AOPEP: variants seen among roughly 807,000 people sequenced by gnomAD.
AOPEP encodes aminopeptidase O.
A neutral mutation model predicts 98.1 loss-of-function variants in AOPEP; 77 were observed. The observed-to-expected ratio is 0.78, with a 90% CI of 0.65 to 0.95. AOPEP has a LOEUF of 0.95. Among genes scored for constraint, AOPEP ranks in the 40% least tolerant of loss-of-function variants. The pLI, the probability that AOPEP is intolerant of heterozygous loss-of-function variation, is 0.00. For synonymous variants in AOPEP, 346 were observed against 365.3 expected (o/e 0.95, Z 0.60); for missense variants, 1,024 against 1,024.7 (o/e 1.00, Z 0.01).
rs1009843960 is a variant in AOPEP, at chr9:94,931,620, A to C, written c.1661+3089A>C. 1.0e-4 allele frequency: 82 copies of C among 799,872 alleles called. No individual in the cohort carries two copies. The African/African-American group carries it at 1.3e-3, about 13-fold the overall frequency. The allele number at this position is 799,872 out of a possible 1,614,324, so 49.5% of individuals were successfully genotyped here. A position where few individuals can be genotyped will look rare whatever the true frequency, so the allele number is the denominator to read the frequency against. On this transcript the variant is annotated intron_variant, in intron 7 of 16. Transcript: ENST00000375315. Reference sequence around the variant, plus strand: ...CTTGGGAAAGAAGTCCCTTAAAAACAATCAGATGCTATCTTGTTCTTTCTT... The same window carrying C: ...CTTGGGAAAGAAGTCCCTTAAAAACCATCAGATGCTATCTTGTTCTTTCTT...
At chr9:95,088,541 G>A (rs1022325021), downstream of AOPEP, among the ~76,000 whole-genome samples, 5 of 152,128 alleles carry the variant, frequency 3.3e-5, no homozygotes, top group Non-Finnish European at 1.5e-5. Context: ...CTTTCTAAGT[G>A]TGTTTGGCTT....
intron 7 of AOPEP, among the ~76,000 whole-genome samples, chr9:94,939,197 G>A (rs1588994087): frequency 6.7e-6 from 1 of 150,262 alleles, no homozygotes; most frequent in Non-Finnish European, 1.5e-5. Context: ...GCAGTGAGCC[G>A]AGATCATGCC....
chr9:95,089,356 A>T (rs1450391275), downstream of AOPEP, among the ~76,000 whole-genome samples: 1 of 152,188 alleles, frequency 6.6e-6, no homozygotes, highest in African/African-American at 2.4e-5. Context: ...CAGCCATAGC[A>T]CCTTCGGAGA....
intron 14 of AOPEP, among the ~76,000 whole-genome samples, chr9:95,077,703 C>T (rs1444780102): frequency 1.3e-5 from 2 of 152,138 alleles, no homozygotes; most frequent in Non-Finnish European, 2.9e-5. Context: ...GCATCTTTCA[C>T]GACCTTGAAG....
At chr9:95,008,092 A>G (rs973404280) in intron 13 of AOPEP, among the ~76,000 whole-genome samples, 1 of 152,220 alleles carries the variant, frequency 6.6e-6, no homozygotes, top group Non-Finnish European at 1.5e-5. Context: ...ATTAGTGTAA[A>G]ATAAAATGAA....
chr9:95,093,207 T>G, the AOPEP span, among the ~76,000 whole-genome samples: 6 of 152,126 alleles, frequency 3.9e-5, no homozygotes, highest in Non-Finnish European at 7.4e-5. Flanking sequence ...GCAGAGGACT[T>G]GCGTACAGGA....
chr9:94,949,848 G>A (rs935957894), intron 7 of AOPEP, among the ~76,000 whole-genome samples: 2 of 152,230 alleles, frequency 1.3e-5, no homozygotes, highest in African/African-American at 2.4e-5. Context: ...AGGTGTCTTC[G>A]TGGAGCGGTG....
At chr9:94,978,032 T>C (rs1470793014) in intron 10 of AOPEP, among the ~76,000 whole-genome samples, 1 of 151,932 alleles carries the variant, frequency 6.6e-6, no homozygotes, top group Non-Finnish European at 1.5e-5. Context: ...GAAGAGAAAA[T>C]CAGTCAGTCC....
At chr9:94,914,370 G>A (rs2052498280) in intron 5 of AOPEP, among the ~76,000 whole-genome samples, 1 of 152,230 alleles carries the variant, frequency 6.6e-6, no homozygotes, top group South Asian at 2.1e-4. Context: ...ATGCAGGCCT[G>A]TGATGAGGGA....
At chr9:94,797,330 C>A (rs1420130667) in intron 4 of AOPEP, among the ~76,000 whole-genome samples, 1 of 151,336 alleles carries the variant, frequency 6.6e-6, no homozygotes, top group African/African-American at 2.4e-5. Context: ...TTACAGGAGG[C>A]TGGGGCAGGA....
chr9:94,865,152 A>G (rs1387426102), intron 5 of AOPEP, among the ~76,000 whole-genome samples: 1 of 152,240 alleles, frequency 6.6e-6, no homozygotes, highest in Non-Finnish European at 1.5e-5. Flanking sequence ...ATATCTTTAA[A>G]TAAGAAATCC....
Position 94,941,538 on chromosome 9 carries a change from G to T in AOPEP, c.1661+13007G>T, listed in dbSNP as rs2057008763. Among the ~76,000 whole-genome samples, 8 of 152,338 alleles carry T rather than the reference G, an allele frequency of 5.3e-5. No individual in the cohort carries two copies. In the South Asian group the frequency reaches 1.7e-3, roughly 32 times the overall value. ...TCTCAGCTAGCCAGAAATGGACTCT[G>T]CCCTTTCCTGTTTCAAAGGTCAGCT... On this transcript the variant is annotated intron_variant, in intron 7 of 16. Transcript: ENST00000375315.
chr9:95,063,818 C>G (rs2067568414), intron 14 of AOPEP, among the ~76,000 whole-genome samples: 1 of 152,060 alleles, frequency 6.6e-6, no homozygotes, highest in African/African-American at 2.4e-5. Context: ...TGGAGGTCTC[C>G]CTTCAGGGTC....
rs186377119 is a variant in AOPEP at position 94,949,072 on chromosome 9, T to C, written c.1662-6105T>C. Among the ~76,000 whole-genome samples, 13 of 152,338 alleles carry C rather than the reference T, an allele frequency of 8.5e-5. No homozygotes were observed. In the East Asian group the frequency reaches 2.5e-3, roughly 29 times the overall value. On this transcript the variant is annotated intron_variant, in intron 7 of 16. Coordinates refer to ENST00000375315, the MANE Select transcript of AOPEP (RefSeq NM_001193329.3). Reference sequence around the variant, plus strand: ...CATGGGTGTCTTGGCTCTCCGTTTTTCTCTGTCTCTTTTGAGAATGTGTCT... The same window carrying C: ...CATGGGTGTCTTGGCTCTCCGTTTTCCTCTGTCTCTTTTGAGAATGTGTCT...
intron 10 of AOPEP, among the ~76,000 whole-genome samples, chr9:94,973,075 A>T (rs575480248): frequency 3.0e-4 from 45 of 152,372 alleles, no homozygotes; most frequent in Middle Eastern, 6.8e-3. Flanking sequence ...GGCATTTTCC[A>T]TTCCAGACCC....
the AOPEP span, chr9:95,111,575 A>G: frequency 1.2e-6 from 2 of 1,614,128 alleles, no homozygotes; most frequent in Admixed American, 1.7e-5. Flanking sequence ...CTCTGCCACC[A>G]TCTCAGCCCA....
chr9:95,070,987 T>G (rs889224724), intron 14 of AOPEP, among the ~76,000 whole-genome samples: 1 of 152,170 alleles, frequency 6.6e-6, no homozygotes, highest in Non-Finnish European at 1.5e-5. Flanking sequence ...AGGACACACT[T>G]GAGACTTTGT....
At chr9:94,763,975 C>T (rs1008781008) in intron 2 of AOPEP, among the ~76,000 whole-genome samples, 3 of 152,184 alleles carry the variant, frequency 2.0e-5, no homozygotes, top group African/African-American at 7.2e-5. Flanking sequence ...CATAACTCCT[C>T]ACTCCTTAAG....
At chr9:95,009,804 A>T (rs997381524) in intron 13 of AOPEP, among the ~76,000 whole-genome samples, 2 of 152,088 alleles carry the variant, frequency 1.3e-5, no homozygotes, top group Admixed American at 1.3e-4. Context: ...AATTTCCTGA[A>T]ATTTTCCTTC....
Sources: gnomAD v4.1 joint callset for allele counts (sites outside exome capture counted in the v4.1 genomes callset) on GRCh38, gnomAD v4.1.1 for gene constraint, MANE v1.5 for transcripts, NCBI Gene and HGNC (gene_info 2026-07-23, HGNC 2026-07-21) for gene names.